Variants in OR52N2 observed in about 807,000 individuals in gnomAD.
The protein encoded by OR52N2 is olfactory receptor family 52 subfamily N member 2.
For missense variants in OR52N2, 326 were observed against 196.6 expected (o/e 1.66, Z -3.94); for synonymous variants, 129 against 72.0 (o/e 1.79, Z -4.01).
At chr11:5,816,545 C>CTTTTTT (rs1464421774) in intron 1 of OR52N2, among the ~76,000 whole-genome samples, 5 of 150,710 alleles carry the variant, frequency 3.3e-5, no homozygotes, top group Non-Finnish European at 4.4e-5. Flanking sequence ...TGATCTAAAT[C>CTTTTTT]TTCTTTTTTT....
intron 1 of OR52N2, among the ~76,000 whole-genome samples, chr11:5,811,846 C>T (rs779451529): frequency 2.6e-5 from 4 of 152,180 alleles, no homozygotes. Flanking sequence ...TCTAAAGACA[C>T]ACACACAGGT....
Position 5,821,268 on chromosome 11 carries a change from T to C in OR52N2, c.933T>C (p.Leu311=), listed in dbSNP as rs372689870. The C allele has an allele frequency of 9.0e-6, 7 of 780,326 alleles. No individual in the cohort carries two copies. The highest frequency in any genetic ancestry group is 2.2e-4 in the Middle Eastern group (1 of 4,460). The allele number at this position is 780,326 out of a possible 1,614,324, so 48.3% of individuals were successfully genotyped here. ...QIQEGVIKFL[L]GDKVSFTYDK ...AGGAAGGTGTAATTAAATTTTTACT[T>C]GGAGACAAGGTTAGTTTTACCTATG... is the stretch of plus-strand genomic sequence containing the variant. Residue 311 remains leucine (L), a synonymous_variant, in exon 2 of 2, where the codon CTT becomes CTC. Transcript: ENST00000317037.
At chr11:5,819,211 T>TA (rs140927557) in intron 1 of OR52N2, among the ~76,000 whole-genome samples, 37,049 of 150,426 alleles carry the variant, frequency 0.25, 4,503 homozygotes, top group Middle Eastern at 0.31. Context: ...TTATTCCGAA[T>TA]AAAAAAAAAA....
At chr11:5,816,548 C>T (rs112433021) in intron 1 of OR52N2, among the ~76,000 whole-genome samples, 7,152 of 148,334 alleles carry the variant, frequency 0.048, 243 homozygotes, top group African/African-American at 0.069. Context: ...TCTAAATCTT[C>T]TTTTTTTGAG....
chr11:5,817,468 G>A (rs910678186), intron 1 of OR52N2, among the ~76,000 whole-genome samples: 1 of 152,018 alleles, frequency 6.6e-6, no homozygotes, highest in Non-Finnish European at 1.5e-5. Context: ...CAATGAAGAT[G>A]GACAAGGAGG....
At chr11:5,809,288 G>GA (rs1316692219) in intron 1 of OR52N2, among the ~76,000 whole-genome samples, 1 of 152,184 alleles carries the variant, frequency 6.6e-6, no homozygotes, top group Non-Finnish European at 1.5e-5. Flanking sequence ...TTTTATCTCT[G>GA]ACAGTTTCTA....
In OR52N2 at chr11:5,821,033, C is replaced by T. The variant is rs1423090385; in HGVS notation, c.698C>T (p.Ala233Val). Residue 233 changes from alanine to valine, a missense_variant, in exon 2 of 2, where the codon GCA becomes GTA. Coordinates refer to ENST00000317037, the MANE Select transcript of OR52N2 (RefSeq NM_001005174.3). Reference sequence around the variant, plus strand: ...CAGGCTGTTATGAGCCTGTCATCAGCAGATGCTCGTCACAAAGCCTTCAGC... The same window carrying T: ...CAGGCTGTTATGAGCCTGTCATCAGTAGATGCTCGTCACAAAGCCTTCAGC... ...ILQAVMSLSS[A>V]DARHKAFSTC... The T allele has an allele frequency of 1.3e-6, 1 of 780,876 alleles. No individual in the cohort carries two copies. The highest frequency in any genetic ancestry group is 2.4e-6 in the Non-Finnish European group (1 of 418,080). 48.4% of individuals were successfully genotyped at this position (780,876 alleles called of 1,614,324 possible).
At position 5,821,230 on chromosome 11, in the gene OR52N2, AC is replaced by A. The variant is rs1846451391; in HGVS notation, c.897del (p.Lys300SerfsTer7). 1.3e-6 allele frequency: 1 copy of A among 780,990 alleles called. No homozygotes were observed. Among genetic ancestry groups the A allele is most frequent in the Admixed American group, 1.7e-5 (1 of 59,018 alleles). The allele number at this position is 780,990 out of a possible 1,614,324, so 48.4% of individuals were successfully genotyped here. A position where few individuals can be genotyped will look rare whatever the true frequency, so the allele number is the denominator to read the frequency against. On this transcript the variant is annotated frameshift_variant, in exon 2 of 2. Transcript: ENST00000317037. LOFTEE classifies it low-confidence loss of function (END_TRUNC). ...GAACCCAATTGTTTATGGAGTCAAG[AC>A]CAAGCAGATTCAGGAAGGTGTAATT... Reference protein sequence around the residue: ...TMNPIVYGVKTKQIQEGVIKF... With the variant: ...TMNPIVYGVKXKQIQEGVIKF...
intron 1 of OR52N2, among the ~76,000 whole-genome samples, chr11:5,816,702 G>A (rs1327758749): frequency 6.6e-6 from 1 of 152,002 alleles, no homozygotes; most frequent in Non-Finnish European, 1.5e-5. Context: ...ACCACGCCTG[G>A]CTAATCTTTG....
At chr11:5,813,236 A>G (rs1446124441) in intron 1 of OR52N2, among the ~76,000 whole-genome samples, 1 of 149,092 alleles carries the variant, frequency 6.7e-6, no homozygotes, top group Non-Finnish European at 1.5e-5. Context: ...AATAGAAATT[A>G]TAAAAAAAAA....
chr11:5,821,361 A>G lies in OR52N2; in HGVS notation c.*60A>G. On this transcript the variant is annotated 3_prime_UTR_variant, in exon 2 of 2. Transcript: ENST00000317037. ...AAAATAATGGAGACAAAATTTCATA[A>G]AAGATGTGAATAAAATGGTATTAAA... The G allele has an allele frequency of 1.5e-6, 1 of 686,014 alleles. No individual in the cohort carries two copies. The highest frequency in any genetic ancestry group is 1.7e-5 in the South Asian group (1 of 59,136). The allele number at this position is 686,014 out of a possible 1,614,324, so 42.5% of individuals were successfully genotyped here.
intron 1 of OR52N2, among the ~76,000 whole-genome samples, chr11:5,815,114 A>T (rs1173345925): frequency 2.0e-5 from 3 of 152,006 alleles, no homozygotes; most frequent in African/African-American, 4.8e-5. Flanking sequence ...AAATTATGAA[A>T]CTCTTGGAAG....
At chr11:5,817,461 T>A (rs79466231) in intron 1 of OR52N2, among the ~76,000 whole-genome samples, 1,554 of 152,236 alleles carry the variant, frequency 0.01, 13 homozygotes, top group Non-Finnish European at 0.015. Context: ...ACACCTCCAA[T>A]GAAGATGGAC....
chr11:5,811,879 G>T (rs1222946386), intron 1 of OR52N2, among the ~76,000 whole-genome samples: 1 of 152,148 alleles, frequency 6.6e-6, no homozygotes, highest in Non-Finnish European at 1.5e-5. Flanking sequence ...AATGGAAAAA[G>T]ATATTTTGGG....
chr11:5,818,223 GA>G (rs942344400), intron 1 of OR52N2, among the ~76,000 whole-genome samples: 4 of 150,904 alleles, frequency 2.7e-5, no homozygotes, highest in South Asian at 2.1e-4. Context: ...GTTGTAAGAG[GA>G]AAAAAAAAGT....
chr11:5,820,469 G>A lies in OR52N2; in HGVS notation c.134G>A (p.Cys45Tyr), dbSNP rs750196721. ...TACATCATTGCTGTCGTGGGGAACT[G>A]TGGGCTCATCTGCCTCATCAGCCAT... ...FMYIIAVVGN[C>Y]GLICLISHEE... Residue 45 changes from cysteine to tyrosine, a missense_variant, in exon 2 of 2, where the codon TGT becomes TAT. Cys to Tyr is a radical substitution (Grantham distance 194, BLOSUM62 -2). Transcript: ENST00000317037. 1.3e-6 allele frequency: 1 copy of A among 779,802 alleles called. No homozygotes were observed. The highest frequency in any genetic ancestry group is 1.3e-5 in the South Asian group (1 of 74,414). The allele number at this position is 779,802 out of a possible 1,614,324, so 48.3% of individuals were successfully genotyped here.
chr11:5,814,085 T>C (rs1846383736), intron 1 of OR52N2, among the ~76,000 whole-genome samples: 1 of 152,190 alleles, frequency 6.6e-6, no homozygotes. Flanking sequence ...AAGCTTTTCC[T>C]CTGAAATTAG....
chr11:5,819,368 T>C (rs1435967848), intron 1 of OR52N2, among the ~76,000 whole-genome samples: 1 of 152,198 alleles, frequency 6.6e-6, no homozygotes, highest in African/African-American at 2.4e-5. Context: ...CTTTCAGTTA[T>C]AACAAAAATA....
chr11:5,810,014 G>A (rs894161779), intron 1 of OR52N2, among the ~76,000 whole-genome samples: 1 of 152,210 alleles, frequency 6.6e-6, no homozygotes, highest in African/African-American at 2.4e-5. Context: ...TCAAGTATAA[G>A]GACTTCATTT....
Sources: allele counts gnomAD v4.1 joint callset (sites outside exome capture counted in the v4.1 genomes callset), GRCh38; gene constraint gnomAD v4.1.1; transcripts MANE v1.5; gene names NCBI Gene and HGNC (gene_info 2026-07-23, HGNC 2026-07-21).